Variants in TMEM204 observed in about 807,000 individuals in gnomAD.
TMEM204 encodes the protein transmembrane protein 204.
In TMEM204, 15 loss-of-function variants were observed where a neutral mutation model predicts 19.4. The observed-to-expected ratio is 0.77, with a 90% CI of 0.52 to 1.19. The LOEUF (loss-of-function observed/expected upper bound fraction) is 1.19, where lower values mean the gene tolerates loss of function less well. Among genes scored for constraint, TMEM204 ranks in the 50% most tolerant of loss-of-function variants. The pLI, the probability that TMEM204 is intolerant of heterozygous loss-of-function variation, is 0.00. For missense variants in TMEM204, 287 were observed against 321.2 expected (o/e 0.89, Z 0.81); for synonymous variants, 161 against 146.0 (o/e 1.10, Z -0.74).
chr16:1,540,271 T>C (rs939172064), intron 1 of TMEM204, among the ~76,000 whole-genome samples: 2 of 152,208 alleles, frequency 1.3e-5, no homozygotes, highest in Non-Finnish European at 2.9e-5. Flanking sequence ...CAGATTGCAT[T>C]TCAATAAATG....
At chr16:1,530,123 C>T (rs965847018), upstream of TMEM204, among the ~76,000 whole-genome samples, 4 of 135,268 alleles carry the variant, frequency 3.0e-5, no homozygotes, top group Non-Finnish European at 4.6e-5. Flanking sequence ...AAAGACTTCA[C>T]GACGGGAATC....
At chr16:1,541,720 T>C (rs1166118437) in intron 1 of TMEM204, among the ~76,000 whole-genome samples, 3 of 151,842 alleles carry the variant, frequency 2.0e-5, no homozygotes, top group African/African-American at 7.3e-5. Context: ...ACCCTTCCCA[T>C]CAGGAAGACA....
intron 1 of TMEM204, among the ~76,000 whole-genome samples, chr16:1,539,902 G>A (rs1021090036): frequency 1.1e-4 from 16 of 152,298 alleles, no homozygotes; most frequent in Admixed American, 5.2e-4. Flanking sequence ...CACTCTCTGC[G>A]CACTGCCCTC....
At chr16:1,536,381 A>G (rs1436864434) in intron 1 of TMEM204, among the ~76,000 whole-genome samples, 1 of 152,142 alleles carries the variant, frequency 6.6e-6, no homozygotes, top group Admixed American at 6.5e-5. Flanking sequence ...AGCCCCCTGG[A>G]CTGCCTCCTG....
chr16:1,534,551 C>T lies in TMEM204; in HGVS notation c.276C>T (p.Val92=). The T allele has an allele frequency of 6.2e-7, 1 of 1,602,682 alleles. No individual in the cohort carries two copies. The highest frequency in any genetic ancestry group is 8.5e-7 in the Non-Finnish European group (1 of 1,179,842). ...GCTTCCAGGAGTCCCGAGGCACCGT[C>T]AAACGTAAGTCCAATTGTTTTCCTG... The part of the protein sequence containing the change: ...AAGFQESRGT[V]KLQFDMMRAC... The change falls in exon 1 of 3, where the codon GTC becomes GTT. Residue 92 remains valine, a synonymous_variant. Transcript: ENST00000566264.
chr16:1,554,886 C>T lies in TMEM204; in HGVS notation c.541C>T (p.Leu181=). The T allele has an allele frequency of 6.2e-7, 1 of 1,614,274 alleles. No individual in the cohort carries two copies. Among genetic ancestry groups the T allele is most frequent in the Non-Finnish European group, 8.5e-7 (1 of 1,180,052 alleles). ...CATTGGCGCCTGCCTTCTGGCCACGCTGGCGGCAGCCATGCTCATCTGGAA... is the reference window on the plus strand; with the variant it reads ...CATTGGCGCCTGCCTTCTGGCCACGTTGGCGGCAGCCATGCTCATCTGGAA... ...LNIGACLLAT[L]AAAMLIWNIL... The change falls in exon 3 of 3, where the codon CTG becomes TTG. Residue 181 remains leucine (L), a synonymous_variant. Transcript: ENST00000566264.
chr16:1,554,788 T>G lies in TMEM204; in HGVS notation c.443T>G (p.Val148Gly), dbSNP rs766995769. The change falls in exon 3 of 3, where the codon GTC (valine) becomes GGC (glycine). Residue 148 changes from valine (V) to glycine (G), a missense_variant. Coordinates refer to ENST00000566264, the MANE Select transcript of TMEM204 (RefSeq NM_024600.6). Reference sequence around the variant, plus strand: ...ACCCTTCTCTCATCTGCAGGTTTTGTCCTGGTCATCGGGCTCGTGACTTTC... The same window carrying G: ...ACCCTTCTCTCATCTGCAGGTTTTGGCCTGGTCATCGGGCTCGTGACTTTC... ...MAAAFQLASFVLVIGLVTFYR... is the reference protein window; with the variant it reads ...MAAAFQLASFGLVIGLVTFYR... The G allele has an allele frequency of 6.2e-7, 1 of 1,614,176 alleles. No individual in the cohort carries two copies. Among genetic ancestry groups the G allele is most frequent in the South Asian group, 1.1e-5 (1 of 91,084 alleles).
At chr16:1,540,884 C>T (rs1366130231) in intron 1 of TMEM204, 6 of 985,432 alleles carry the variant, frequency 6.1e-6, no homozygotes, top group Non-Finnish European at 7.2e-6. Flanking sequence ...TGTTGCTTCA[C>T]ATGCAGTCCC....
rs564352181 is a variant in TMEM204 at position 1,542,940 on chromosome 16, A to G, written c.436+864A>G. ...GGAGTTGTCGTCAACGACCTATGGA[A>G]GGGTCCTGCGGTGTTCTAGACAAGT... On this transcript the variant is annotated intron_variant, in intron 2 of 2. Coordinates refer to ENST00000566264, the MANE Select transcript of TMEM204 (RefSeq NM_024600.6). 5.2e-5 allele frequency among the ~76,000 whole-genome samples: 8 copies of G among 152,388 alleles called. No homozygotes were observed. In the East Asian group the frequency reaches 1.5e-3, roughly 29 times the overall value.
At chr16:1,540,353 C>T (rs994404166) in intron 1 of TMEM204, among the ~76,000 whole-genome samples, 3 of 152,230 alleles carry the variant, frequency 2.0e-5, no homozygotes, top group Non-Finnish European at 4.4e-5. Context: ...ACCACGTAAA[C>T]ACTCACGAAG....
rs2030841555 is a variant in TMEM204, at chr16:1,534,408, C to T, written c.133C>T (p.Leu45=). ...LEDGRRRSVG[L]WRSCWLVDRT... ...GGATGGGCGCAGGCGCAGCGTGGGG[C>T]TGTGGAGGTCCTGCTGGCTGGTGGA... is the stretch of plus-strand genomic sequence containing the variant. Residue 45 remains leucine, a synonymous_variant, in exon 1 of 3, where the codon CTG becomes TTG. Coordinates refer to ENST00000566264, the MANE Select transcript of TMEM204 (RefSeq NM_024600.6). The T allele has an allele frequency of 6.2e-7, 1 of 1,612,596 alleles. No individual in the cohort carries two copies. Among genetic ancestry groups the T allele is most frequent in the Admixed American group, 1.7e-5 (1 of 59,998 alleles).
At chr16:1,532,785 C>T (rs1162211600), upstream of TMEM204, 2 of 152,218 alleles carry the variant, frequency 1.3e-5, no homozygotes, top group Non-Finnish European at 2.9e-5. Context: ...GGTGTCTGCC[C>T]AGCTGGGCAG....
At chr16:1,535,752 C>G (rs931583678) in intron 1 of TMEM204, among the ~76,000 whole-genome samples, 1 of 152,236 alleles carries the variant, frequency 6.6e-6, no homozygotes, top group Non-Finnish European at 1.5e-5. Flanking sequence ...CACTCAAAGG[C>G]CCTCGGCTGC....
intron 1 of TMEM204, among the ~76,000 whole-genome samples, chr16:1,539,759 T>C (rs1294883601): frequency 6.6e-6 from 1 of 152,180 alleles, no homozygotes; most frequent in Non-Finnish European, 1.5e-5. Context: ...CTGTCAGTGG[T>C]GCCTGCCTGT....
At chr16:1,547,242 T>C (rs2032250660) in intron 2 of TMEM204, among the ~76,000 whole-genome samples, 2 of 152,206 alleles carry the variant, frequency 1.3e-5, no homozygotes, top group Admixed American at 1.3e-4. Context: ...AGAAGGACAC[T>C]AGAAAGGGCA....
chr16:1,530,606 C>G (rs2030364520), upstream of TMEM204: 1 of 152,238 alleles, frequency 6.6e-6, no homozygotes, highest in African/African-American at 2.4e-5. Context: ...TGGAAAATCA[C>G]AAACAAGCAC....
At chr16:1,529,007 C>T (rs188056395), upstream of TMEM204, among the ~76,000 whole-genome samples, 60 of 152,208 alleles carry the variant, frequency 3.9e-4, no homozygotes, top group Admixed American at 1.8e-3. Context: ...CGGGCAGGCT[C>T]GGTGCACTTG....
At position 1,553,107 on chromosome 16, in the gene TMEM204, G is replaced by T. The variant is rs1315265127; in HGVS notation, c.437-1675G>T. 3 of 985,292 alleles carry T rather than the reference G, an allele frequency of 3.0e-6. No homozygotes were observed. In the African/African-American group the frequency reaches 5.2e-5, roughly 17 times the overall value. 61.0% of individuals were successfully genotyped at this position (985,292 alleles called of 1,614,324 possible). ...AAATGCTTAATTCATACTTTCTGGA[G>T]GGTACAGTGATGATGAAAAGATAAT... On this transcript the variant is annotated intron_variant, in intron 2 of 2. Coordinates refer to ENST00000566264, the MANE Select transcript of TMEM204 (RefSeq NM_024600.6). The surrounding 1 kb of genome is among the most constrained non-coding windows in gnomAD (Gnocchi z 4.4).
At position 1,555,127 on chromosome 16, in the gene TMEM204, G is replaced by A. The variant is rs939829716; in HGVS notation, c.*101G>A. On this transcript the variant is annotated 3_prime_UTR_variant, in exon 3 of 3. Transcript: ENST00000566264. The stretch of plus-strand genomic sequence containing the variant: ...AAGTCACTTCCCCTGCTCGTGCAGA[G>A]GCACGGGATGAGTCTGGGTGACCTC... The A allele has an allele frequency of 1.2e-5, 18 of 1,444,112 alleles. No homozygotes were observed. The African/African-American group carries it at 2.5e-4, about 20-fold the overall frequency. The allele number at this position is 1,444,112 out of a possible 1,614,324, so 89.5% of individuals were successfully genotyped here. A position where few individuals can be genotyped will look rare whatever the true frequency, so the allele number is the denominator to read the frequency against.
Sources: gnomAD v4.1 joint callset for allele counts (sites outside exome capture counted in the v4.1 genomes callset) on GRCh38, gnomAD v4.1.1 for gene constraint, Gnocchi (gnomAD v3.1) non-coding constraint, MANE v1.5 for transcripts, NCBI Gene and HGNC (gene_info 2026-07-23, HGNC 2026-07-21) for gene names.